Variants in LGR4 observed in about 807,000 individuals in gnomAD.
LGR4 encodes leucine-rich repeat-containing G protein-coupled receptor 4.
A neutral mutation model predicts 84.8 loss-of-function variants in LGR4; 44 were observed. The observed-to-expected ratio is 0.52, with a 90% CI of 0.41 to 0.67. LGR4 has a LOEUF of 0.67. LGR4 is among the 30% of genes least tolerant of loss of function. The pLI, the probability that LGR4 is intolerant of heterozygous loss-of-function variation, is 0.00. For synonymous variants in LGR4, 429 were observed against 434.3 expected (o/e 0.99, Z 0.15); for missense variants, 1,032 against 1,131.4 (o/e 0.91, Z 1.26).
chr11:27,423,646 A>T (rs1224026836), intron 1 of LGR4, among the ~76,000 whole-genome samples: 2 of 152,206 alleles, frequency 1.3e-5, no homozygotes, highest in African/African-American at 2.4e-5. Context: ...ATGACTTATA[A>T]CTCATTAAAA....
chr11:27,459,033 G>A (rs1412790749), intron 1 of LGR4, among the ~76,000 whole-genome samples: 2 of 152,070 alleles, frequency 1.3e-5, no homozygotes, highest in African/African-American at 4.8e-5. Flanking sequence ...TAAATTTAAA[G>A]GAAATCTATT....
At chr11:27,407,511 G>T (rs1863634384) in intron 2 of LGR4, among the ~76,000 whole-genome samples, 1 of 152,050 alleles carries the variant, frequency 6.6e-6, no homozygotes, top group African/African-American at 2.4e-5. Context: ...GGTCTCATGA[G>T]TATTAAATGC....
intron 2 of LGR4, among the ~76,000 whole-genome samples, chr11:27,394,283 C>T (rs538280396): frequency 5.3e-5 from 8 of 152,240 alleles, no homozygotes; most frequent in African/African-American, 1.4e-4. Context: ...AACAAGAGAC[C>T]GAAGAAGATG....
At chr11:27,467,155 A>G (rs1864790695) in intron 1 of LGR4, among the ~76,000 whole-genome samples, 2 of 152,152 alleles carry the variant, frequency 1.3e-5, no homozygotes, top group South Asian at 4.1e-4. Flanking sequence ...TCCCCATGCA[A>G]TGGAAATATT....
At position 27,367,207 on chromosome 11, in the gene LGR4, G is replaced by A. The variant is rs761268780; in HGVS notation, c.*660C>T. On this transcript the variant is annotated 3_prime_UTR_variant, in exon 18 of 18. Transcript: ENST00000379214. ...TGATTGGACCAAAGCAATGTATAAT[G>A]ACTGAAAACAAATGTCCAGCTATTT... The A allele has an allele frequency of 1.3e-5, 2 of 152,116 alleles. No individual in the cohort carries two copies. Among genetic ancestry groups the A allele is most frequent in the Non-Finnish European group, 2.9e-5 (2 of 67,996 alleles). 9.4% of individuals were successfully genotyped at this position (152,116 alleles called of 1,614,324 possible).
At chr11:27,455,343 C>T (rs559833011) in intron 1 of LGR4, among the ~76,000 whole-genome samples, 87 of 152,190 alleles carry the variant, frequency 5.7e-4, no homozygotes, top group Non-Finnish European at 1.1e-3. Flanking sequence ...CAACTGCCAG[C>T]TCTTAATAGA....
chr11:27,446,810 A>G (rs1239819726), intron 1 of LGR4, among the ~76,000 whole-genome samples: 6 of 152,068 alleles, frequency 3.9e-5, no homozygotes, highest in African/African-American at 1.4e-4. Flanking sequence ...GATAGACTGG[A>G]TTAAGAAAAT....
intron 2 of LGR4, among the ~76,000 whole-genome samples, chr11:27,408,314 C>T (rs537951913): frequency 6.6e-6 from 1 of 152,170 alleles, no homozygotes; most frequent in South Asian, 2.1e-4. Flanking sequence ...TATTCAGAGA[C>T]CTAAGTTTCA....
intron 2 of LGR4, among the ~76,000 whole-genome samples, chr11:27,404,919 A>T (rs1863575763): frequency 6.6e-6 from 1 of 152,160 alleles, no homozygotes; most frequent in African/African-American, 2.4e-5. Context: ...AAGCCTCGAG[A>T]TCCAGTAACA....
intron 15 of LGR4, among the ~76,000 whole-genome samples, chr11:27,372,763 A>G (rs1240832820): frequency 1.3e-5 from 2 of 152,234 alleles, no homozygotes; most frequent in African/African-American, 4.8e-5. Flanking sequence ...ACTTAAAATT[A>G]ATGCCCCAGG....
intron 1 of LGR4, among the ~76,000 whole-genome samples, chr11:27,470,713 G>GA (rs35698854): frequency 0.02 from 2,732 of 134,130 alleles, 92 homozygotes; most frequent in African/African-American, 0.075. Context: ...TCACTATACT[G>GA]AAAAAAAAAA....
intron 1 of LGR4, among the ~76,000 whole-genome samples, chr11:27,429,469 C>A (rs1216537448): frequency 6.8e-6 from 1 of 147,070 alleles, no homozygotes; most frequent in Non-Finnish European, 1.5e-5. Context: ...GGTGACAGAA[C>A]GAGATTCCAT....
At chr11:27,399,165 C>A (rs74818595) in intron 2 of LGR4, among the ~76,000 whole-genome samples, 1,815 of 152,230 alleles carry the variant, frequency 0.012, 109 homozygotes, top group East Asian at 0.093. Flanking sequence ...CCCCCCTCAG[C>A]CTGCCAAAGT....
intron 1 of LGR4, among the ~76,000 whole-genome samples, chr11:27,450,239 CA>C (rs1410878439): frequency 2.0e-5 from 3 of 151,986 alleles, no homozygotes; most frequent in Non-Finnish European, 2.9e-5. Flanking sequence ...ACTATGCTAC[CA>C]AAAAAATTTA....
intron 15 of LGR4, among the ~76,000 whole-genome samples, chr11:27,372,670 A>G (rs1428758116): frequency 6.6e-6 from 1 of 152,216 alleles, no homozygotes; most frequent in Non-Finnish European, 1.5e-5. Flanking sequence ...TAACAGCAGT[A>G]CTGTAATTTA....
intron 5 of LGR4, among the ~76,000 whole-genome samples, chr11:27,384,907 T>G (rs764860321): frequency 6.6e-6 from 1 of 152,110 alleles, no homozygotes; most frequent in Non-Finnish European, 1.5e-5. Context: ...ACACGAAATA[T>G]CCCTGGGACT....
intron 1 of LGR4, among the ~76,000 whole-genome samples, chr11:27,427,066 GAA>G (rs1864035322): frequency 6.6e-6 from 1 of 152,112 alleles, no homozygotes; most frequent in South Asian, 2.1e-4. Flanking sequence ...AGAAATGCAG[GAA>G]AAGTCTCTTC....
At chr11:27,405,553 T>TCCCAC (rs2133390467) in intron 2 of LGR4, among the ~76,000 whole-genome samples, 1 of 152,230 alleles carries the variant, frequency 6.6e-6, no homozygotes, top group South Asian at 2.1e-4. Context: ...TCCACCCATA[T>TCCCAC]CCCACCTGAA....
At chr11:27,416,262 G>A (rs548797966) in intron 1 of LGR4, among the ~76,000 whole-genome samples, 156 of 152,248 alleles carry the variant, frequency 1.0e-3, no homozygotes, top group African/African-American at 3.5e-3. Flanking sequence ...ACGGGCTTTG[G>A]CGCCAGACAG....
Sources: allele counts gnomAD v4.1 joint callset (sites outside exome capture counted in the v4.1 genomes callset), GRCh38; gene constraint gnomAD v4.1.1; transcripts MANE v1.5; gene names NCBI Gene and HGNC (gene_info 2026-07-23, HGNC 2026-07-21).